PAK4: variants seen among roughly 807,000 people sequenced by gnomAD.
PAK4 encodes serine/threonine-protein kinase PAK 4.
Under a neutral mutation model 53.5 loss-of-function variants are expected in PAK4, and 49 were observed. That is an observed-to-expected ratio of 0.92 (90% CI 0.73 to 1.16). The LOEUF (loss-of-function observed/expected upper bound fraction) is 1.16. PAK4 is among the 50% of genes most tolerant of loss of function. The pLI, the probability that PAK4 is intolerant of heterozygous loss-of-function variation, is 0.00. For synonymous variants in PAK4, 376 were observed against 375.6 expected, an observed-to-expected ratio of 1.00 and a Z score of -0.01; for missense variants, 824 against 850.7, an observed-to-expected ratio of 0.97 and a Z score of 0.39.
chr19:39,179,256 C>G (rs2144899392), exon 9 of PAK4: 1 of 152,746 alleles, frequency 6.5e-6, no homozygotes, highest in South Asian at 2.1e-4. Flanking sequence ...AGCCCCTGCC[C>G]TTATTGGGGG....
intron 2 of PAK4, among the ~76,000 whole-genome samples, chr19:39,169,986 C>G (rs2074448669): frequency 6.6e-6 from 1 of 152,164 alleles, no homozygotes; most frequent in Non-Finnish European, 1.5e-5. Flanking sequence ...TCCCCCACGG[C>G]CCATCTGACA....
chr19:39,148,485 T>TTTTTTTTTTG (rs2074042046), intron 1 of PAK4, among the ~76,000 whole-genome samples: 2 of 136,026 alleles, frequency 1.5e-5, no homozygotes, highest in African/African-American at 2.8e-5. Flanking sequence ...TTTTTTTTTT[T>TTTTTTTTTTG]TTGAGAGAGA....
At chr19:39,146,893 G>C (rs1031839605) in intron 1 of PAK4, among the ~76,000 whole-genome samples, 4 of 150,988 alleles carry the variant, frequency 2.6e-5, no homozygotes, top group African/African-American at 9.7e-5. Context: ...GGGAGGGAGA[G>C]GGGGGAAGGA....
intron 2 of PAK4, among the ~76,000 whole-genome samples, chr19:39,172,381 G>T (rs1003587185): frequency 6.6e-6 from 1 of 152,078 alleles, no homozygotes; most frequent in Admixed American, 6.5e-5. Flanking sequence ...TTTGCCACCC[G>T]GCTCCTGGGA....
At chr19:39,148,466 C>CTTTTTTTTTTTTCTTTTTTTTT in intron 1 of PAK4, among the ~76,000 whole-genome samples, 1 of 56,786 alleles carries the variant, frequency 1.8e-5, no homozygotes, top group Non-Finnish European at 2.9e-5. Flanking sequence ...GTTTCTTCTG[C>CTTTTTTTTTTTTCTTTTTTTTT]TTTTTTTTTT....
In PAK4 at chr19:39,169,513, C is replaced by A; in HGVS notation, c.-22-19C>A. The A allele has an allele frequency of 1.3e-6, 2 of 1,566,796 alleles. No individual in the cohort carries two copies. Among genetic ancestry groups the A allele is most frequent in the South Asian group, 2.2e-5 (2 of 89,810 alleles). ...ACATGGGCAGGCTCTCACTCACCCA[C>A]CGTGATTCCCTCCCGCAGGCCGCAC... is the stretch of plus-strand genomic sequence containing the variant. On this transcript the variant is annotated intron_variant, in intron 1 of 8. Transcript: ENST00000358301.
intron 1 of PAK4, among the ~76,000 whole-genome samples, chr19:39,160,030 G>A (rs1453589650): frequency 6.6e-6 from 1 of 152,264 alleles, no homozygotes; most frequent in Non-Finnish European, 1.5e-5. Flanking sequence ...CGTAGGCCAT[G>A]TGGCTGGGTG....
At chr19:39,159,964 C>CGTG (rs2074257409) in intron 1 of PAK4, among the ~76,000 whole-genome samples, 1 of 150,208 alleles carries the variant, frequency 6.7e-6, no homozygotes, top group African/African-American at 2.4e-5. Flanking sequence ...TCCAGAGGCA[C>CGTG]CCCCCATGTG....
intron 1 of PAK4, among the ~76,000 whole-genome samples, chr19:39,152,900 G>A (rs990367476): frequency 1.3e-5 from 2 of 152,044 alleles, no homozygotes; most frequent in Non-Finnish European, 2.9e-5. Flanking sequence ...TTCAACCAAC[G>A]AAGGACTGAA....
At chr19:39,170,470 C>G (rs1435046877) in intron 2 of PAK4, among the ~76,000 whole-genome samples, 1 of 152,128 alleles carries the variant, frequency 6.6e-6, no homozygotes, top group African/African-American at 2.4e-5. Flanking sequence ...CATGTGAAAT[C>G]ATAAGAGTTG....
intron 2 of PAK4, among the ~76,000 whole-genome samples, chr19:39,170,566 G>C (rs1391890350): frequency 6.6e-6 from 1 of 152,206 alleles, no homozygotes; most frequent in Admixed American, 6.5e-5. Context: ...TTGGAGCCTG[G>C]ACTCTCTCCC....
intron 1 of PAK4, among the ~76,000 whole-genome samples, chr19:39,129,686 G>C (rs2073664111): frequency 7.4e-6 from 1 of 134,750 alleles, no homozygotes; most frequent in Non-Finnish European, 1.5e-5. Flanking sequence ...AACTGGCTTA[G>C]CTGGGACCTC....
chr19:39,133,870 C>T (rs903040113), intron 1 of PAK4, among the ~76,000 whole-genome samples: 2 of 152,352 alleles, frequency 1.3e-5, no homozygotes, highest in East Asian at 1.9e-4. Flanking sequence ...TCCTGGGCTG[C>T]GTGGGGTGCC....
downstream of PAK4, chr19:39,182,780 C>T (rs2074710488): frequency 6.6e-6 from 1 of 151,588 alleles, no homozygotes; most frequent in African/African-American, 2.4e-5. Context: ...GATCACATCA[C>T]TGCACTCCAG....
intron 2 of PAK4, 103 bp downstream of exon 3, chr19:39,169,860 C>A: frequency 1.2e-6 from 1 of 824,926 alleles, no homozygotes; most frequent in Non-Finnish European, 1.9e-6. Context: ...TCCTCACTGA[C>A]ATGGAAATGG....
In PAK4 at chr19:39,175,145, CCAG is replaced by C. The variant is rs2074576733; in HGVS notation, c.1232+83_1232+85del. On this transcript the variant is annotated intron_variant, in intron 5 of 8. Transcript: ENST00000358301. This position sits in a 1 kb window ranked among gnomAD's most constrained non-coding sequence, Gnocchi z 4.7. ...CTAGGGGTGGGGCCACATCTCCAAA[CCAG>C]CTGTGCTCCGGGCCCCTGGGATGGG... The C allele has an allele frequency of 2.0e-6, 3 of 1,531,986 alleles. No homozygotes were observed. The highest frequency in any genetic ancestry group is 2.7e-6 in the Non-Finnish European group (3 of 1,128,868). 94.9% of individuals were successfully genotyped at this position (1,531,986 alleles called of 1,614,324 possible).
intron 6 of PAK4, among the ~76,000 whole-genome samples, chr19:39,176,079 T>C (rs1372107075): frequency 6.6e-6 from 1 of 152,174 alleles, no homozygotes; most frequent in Non-Finnish European, 1.5e-5. Flanking sequence ...TGGGGATGTT[T>C]GCTGGAGGCA....
At chr19:39,144,659 C>A (rs766288143) in intron 1 of PAK4, among the ~76,000 whole-genome samples, 1 of 152,180 alleles carries the variant, frequency 6.6e-6, no homozygotes, top group Admixed American at 6.5e-5. Context: ...GGCTCAGGGG[C>A]CGGCTGCTTC....
intron 1 of PAK4, among the ~76,000 whole-genome samples, chr19:39,137,908 C>T (rs372331000): frequency 1.4e-4 from 21 of 152,080 alleles, no homozygotes; most frequent in East Asian, 9.7e-4. Context: ...CCTTGTGATC[C>T]GCCCACCTTG....
Sources: gnomAD v4.1 joint callset for allele counts (sites outside exome capture counted in the v4.1 genomes callset) on GRCh38, gnomAD v4.1.1 for gene constraint, Gnocchi (gnomAD v3.1) non-coding constraint, MANE v1.5 for transcripts, NCBI Gene and HGNC (gene_info 2026-07-23, HGNC 2026-07-21) for gene names.